SERPINB12: variants seen among roughly 807,000 people sequenced by gnomAD.
The protein encoded by SERPINB12 is serpin B12.
SERPINB12 carries 57 observed loss-of-function variants against 41.1 expected under a neutral mutation model. The ratio of observed to expected loss-of-function variants is 1.39; its 90% CI spans 1.12 to 1.73. SERPINB12 has a LOEUF of 1.73. SERPINB12 is among the 40% of genes most tolerant of loss of function. The probability of loss-of-function intolerance (pLI) is 0.00; values close to 1 mark genes in which losing one functional copy is unlikely to be tolerated. For missense variants in SERPINB12, 536 were observed against 501.9 expected, an observed-to-expected ratio of 1.07 and a Z score of -0.65; for synonymous variants, 180 against 181.3, an observed-to-expected ratio of 0.99 and a Z score of 0.06.
chr18:63,562,987 G>T (rs1352412875), intron 5 of SERPINB12, among the ~76,000 whole-genome samples: 4 of 152,212 alleles, frequency 2.6e-5, no homozygotes, highest in Admixed American at 2.6e-4. Context: ...CTGTGTTATT[G>T]TGGAAGGAGC....
intron 2 of SERPINB12, 137 bp from the exon 3 acceptor site, chr18:63,558,215 C>A: frequency 1.0e-6 from 1 of 1,002,222 alleles, no homozygotes; most frequent in Non-Finnish European, 1.4e-6. Context: ...GAAGCACCCA[C>A]TTTCCTTTAA....
chr18:63,562,412 A>C (rs1460699997), intron 5 of SERPINB12, among the ~76,000 whole-genome samples: 1 of 152,126 alleles, frequency 6.6e-6, no homozygotes, highest in African/African-American at 2.4e-5. Context: ...TCAGAGTGAG[A>C]CCATGACCCC....
chr18:63,522,843 G>T, the SERPINB12 span, among the ~76,000 whole-genome samples: 1 of 151,070 alleles, frequency 6.6e-6, no homozygotes, highest in Non-Finnish European at 1.5e-5. Flanking sequence ...TTTTTTTTTT[G>T]TGGCATACAA....
chr18:63,539,734 T>C (rs1910238749), upstream of SERPINB12, among the ~76,000 whole-genome samples: 1 of 152,144 alleles, frequency 6.6e-6, no homozygotes, highest in Non-Finnish European at 1.5e-5. Flanking sequence ...AGGTATGATA[T>C]GGGGCCATTA....
chr18:63,560,227 G>A (rs1287821900), intron 4 of SERPINB12, among the ~76,000 whole-genome samples: 3 of 152,228 alleles, frequency 2.0e-5, no homozygotes, highest in African/African-American at 7.2e-5. Context: ...CAGGACTTGT[G>A]TCTGTGGCTA....
chr18:63,550,114 A>T lies in SERPINB12; in HGVS notation c.-18-6028A>T, dbSNP rs1017527713. ...ATCATTGTGGATAGAGTTAGCACCA[A>T]TTACTTAAGCTGAATGAATTTTGGG... On this transcript the variant is annotated intron_variant, in intron 1 of 7. Transcript: ENST00000382768. 2.0e-5 allele frequency among the ~76,000 whole-genome samples: 3 copies of T among 152,234 alleles called. 1 individual carries two copies. The highest frequency in any genetic ancestry group is 2.0e-4 in the Admixed American group (3 of 15,300).
intron 1 of SERPINB12, among the ~76,000 whole-genome samples, chr18:63,546,727 TTAAA>T (rs1323276626): frequency 6.6e-6 from 1 of 152,222 alleles, no homozygotes; most frequent in Non-Finnish European, 1.5e-5. Context: ...GCATATTAAG[TTAAA>T]TATTCAATGT....
intron 5 of SERPINB12, among the ~76,000 whole-genome samples, chr18:63,563,494 CCTG>C (rs1397504586): frequency 6.6e-6 from 1 of 152,140 alleles, no homozygotes; most frequent in South Asian, 2.1e-4. Flanking sequence ...GGGTTTCTCC[CCTG>C]CCCCATCACC....
At chr18:63,549,513 G>T (rs1910470344) in intron 1 of SERPINB12, among the ~76,000 whole-genome samples, 1 of 152,172 alleles carries the variant, frequency 6.6e-6, no homozygotes, top group Non-Finnish European at 1.5e-5. Flanking sequence ...GATAGTACAT[G>T]GGAGCTATCA....
At position 63,561,102 on chromosome 18, in the gene SERPINB12, G is replaced by A. The variant is rs745772971; in HGVS notation, c.462G>A (p.Val154=). The A allele has an allele frequency of 1.9e-6, 3 of 1,608,666 alleles. No individual in the cohort carries two copies. Among genetic ancestry groups the A allele is most frequent in the Non-Finnish European group, 2.6e-6 (3 of 1,175,340 alleles). ...TGGAACAGGAATACTTAGATGGTGT[G>A]ATTCAATTTTACCACACGACGATTG... ...FPICQEYLDG[V]IQFYHTTIES... Residue 154 remains valine (V), a synonymous_variant, in exon 5 of 8, where the codon GTG becomes GTA. Transcript: ENST00000382768.
At position 63,566,977 on chromosome 18, in the gene SERPINB12, C is replaced by T; in HGVS notation, c.1244C>T (p.Thr415Ile). 1 of 1,607,942 alleles carries T rather than the reference C, an allele frequency of 6.2e-7. No individual in the cohort carries two copies. Among genetic ancestry groups the T allele is most frequent in the Non-Finnish European group, 8.5e-7 (1 of 1,177,692 alleles). The change falls in exon 8 of 8, where the codon ACC becomes ATC. Residue 415 changes from threonine to isoleucine, a missense_variant. Physicochemically the swap from Thr to Ile is moderately conservative, Grantham distance 89 (BLOSUM62 -1). Transcript: ENST00000382768. Reference protein sequence around the residue: ...LFFIRHNKTQTILFYGRVCSP With the variant: ...LFFIRHNKTQIILFYGRVCSP ...TTCATTAGACACAACAAAACCCAAA[C>T]CATTCTCTTTTATGGCAGGGTCTGC...
At chr18:63,528,415 T>TAAAC in the SERPINB12 span, among the ~76,000 whole-genome samples, 1 of 151,452 alleles carries the variant, frequency 6.6e-6, no homozygotes. Flanking sequence ...AATAAATAAA[T>TAAAC]AAATAAATAA....
the SERPINB12 span, among the ~76,000 whole-genome samples, chr18:63,529,659 C>A: frequency 6.6e-6 from 1 of 152,036 alleles, no homozygotes; most frequent in Admixed American, 6.6e-5. Context: ...CATAACTTTA[C>A]TGCATAAACT....
chr18:63,552,088 T>A (rs1910546046), intron 1 of SERPINB12, among the ~76,000 whole-genome samples: 1 of 151,994 alleles, frequency 6.6e-6, no homozygotes, highest in Admixed American at 6.6e-5. Context: ...AAAATAAGGA[T>A]TAGGGAGGGG....
the SERPINB12 span, among the ~76,000 whole-genome samples, chr18:63,530,009 G>A: frequency 1.3e-5 from 2 of 152,092 alleles, no homozygotes; most frequent in Non-Finnish European, 2.9e-5. Flanking sequence ...AATATTGAGG[G>A]AAAAAAGCTA....
chr18:63,557,694 C>T (rs1057391410), intron 2 of SERPINB12, among the ~76,000 whole-genome samples: 1 of 152,180 alleles, frequency 6.6e-6, no homozygotes, highest in Non-Finnish European at 1.5e-5. Flanking sequence ...GTTGAGGGCA[C>T]CTGCTGACCA....
At chr18:63,552,514 G>C (rs1367029779) in intron 1 of SERPINB12, among the ~76,000 whole-genome samples, 1 of 152,230 alleles carries the variant, frequency 6.6e-6, no homozygotes, top group Non-Finnish European at 1.5e-5. Context: ...ATTTGAATCT[G>C]TGTTATTAGC....
rs141610467 is a variant in SERPINB12, at chr18:63,561,950, C to T, written c.562+748C>T. Among the ~76,000 whole-genome samples the T allele has an allele frequency of 8.5e-5, 13 of 152,252 alleles. No homozygotes were observed. In the East Asian group the frequency reaches 2.5e-3, roughly 29 times the overall value. On this transcript the variant is annotated intron_variant, in intron 5 of 7. Transcript: ENST00000382768. ...ACCTATAGGGTACTATGCCTACTAT[C>T]TGTGAGCAACATGCCATGTAACAAA...
chr18:63,532,454 G>A, the SERPINB12 span, among the ~76,000 whole-genome samples: 1 of 152,140 alleles, frequency 6.6e-6, no homozygotes, highest in African/African-American at 2.4e-5. Flanking sequence ...TCTGGTTGGG[G>A]CCTGAATGTT....
Sources: allele counts gnomAD v4.1 joint callset (sites outside exome capture counted in the v4.1 genomes callset), GRCh38; gene constraint gnomAD v4.1.1; transcripts MANE v1.5; gene names NCBI Gene and HGNC (gene_info 2026-07-23, HGNC 2026-07-21).